Variants in FRMD6 observed in about 807,000 individuals in gnomAD.
The protein encoded by FRMD6 is FERM domain-containing protein 6.
FRMD6 carries 37 observed loss-of-function variants against 73.2 expected under a neutral mutation model. The ratio of observed to expected loss-of-function variants is 0.51; its 90% CI spans 0.39 to 0.66. The LOEUF (loss-of-function observed/expected upper bound fraction) is 0.66. Ranked by LOEUF, FRMD6 falls within the 30% of genes least tolerant of loss-of-function variation. FRMD6 has a pLI of 0.00. For missense variants in FRMD6, 714 were observed against 780.5 expected, an observed-to-expected ratio of 0.91 and a Z score of 1.02; for synonymous variants, 273 against 282.2, an observed-to-expected ratio of 0.97 and a Z score of 0.33.
chr14:51,677,172 T>C (rs1340206528), intron 1 of FRMD6, among the ~76,000 whole-genome samples: 29 of 152,094 alleles, frequency 1.9e-4, no homozygotes. Context: ...TCCTTGTTGT[T>C]AGGAGCCATG....
intron 1 of FRMD6, among the ~76,000 whole-genome samples, chr14:51,507,520 A>G (rs937675047): frequency 2.0e-4 from 30 of 152,170 alleles, no homozygotes; most frequent in African/African-American, 6.3e-4. Flanking sequence ...GACCTTTTCA[A>G]AATTCTACTA....
At chr14:51,450,677 C>T in the FRMD6 span, among the ~76,000 whole-genome samples, 1 of 152,064 alleles carries the variant, frequency 6.6e-6, no homozygotes, top group Non-Finnish European at 1.5e-5. Flanking sequence ...TGTATGAGAT[C>T]TCATGATTTT....
chr14:51,426,365 T>C, the FRMD6 span, among the ~76,000 whole-genome samples: 1 of 152,030 alleles, frequency 6.6e-6, no homozygotes, highest in Non-Finnish European at 1.5e-5. Context: ...GTCCTTCCCA[T>C]CCACCTGCAA....
chr14:51,719,953 T>A, intron 10 of FRMD6, 102 bp from the exon 11 acceptor site: 10 of 835,654 alleles, frequency 1.2e-5, no homozygotes, highest in Non-Finnish European at 1.9e-5. Flanking sequence ...AATCACTAGA[T>A]TCTGAATTTG....
intron 2 of FRMD6, among the ~76,000 whole-genome samples, chr14:51,583,882 A>C (rs1888875090): frequency 6.6e-6 from 1 of 152,198 alleles, no homozygotes; most frequent in Non-Finnish European, 1.5e-5. Context: ...AAGCAAGAAT[A>C]GCAGAAAGAG....
At chr14:51,631,901 AG>A (rs567797524) in intron 2 of FRMD6, among the ~76,000 whole-genome samples, 18 of 152,364 alleles carry the variant, frequency 1.2e-4, no homozygotes, top group Non-Finnish European at 2.6e-4. Context: ...TAAGAAAAGC[AG>A]TAATAACATT....
chr14:51,586,679 G>T (rs2139696776), intron 2 of FRMD6, among the ~76,000 whole-genome samples: 1 of 152,040 alleles, frequency 6.6e-6, no homozygotes, highest in East Asian at 1.9e-4. Flanking sequence ...TATTTCCTGG[G>T]TTTTCTTCTA....
intron 7 of FRMD6, among the ~76,000 whole-genome samples, chr14:51,711,320 G>C (rs10129519): frequency 0.3 from 45,101 of 151,934 alleles, 7,275 homozygotes; most frequent in African/African-American, 0.42. Context: ...TTAAAAAGTA[G>C]AATATACCAT....
chr14:51,636,499 G>A (rs548851786), intron 2 of FRMD6, among the ~76,000 whole-genome samples: 1 of 152,182 alleles, frequency 6.6e-6, no homozygotes, highest in South Asian at 2.1e-4. Context: ...GAGGAAAGGA[G>A]CCCTGTGAAA....
intron 2 of FRMD6, chr14:51,637,716 C>T (rs1891636172): frequency 6.6e-6 from 1 of 152,102 alleles, no homozygotes; most frequent in Non-Finnish European, 1.5e-5. Context: ...CTATAAGTCA[C>T]AAGAAGGATT....
intron 6 of FRMD6, 129 bp from the exon 7 acceptor site, chr14:51,707,949 T>C (rs776582704): frequency 7.8e-6 from 6 of 768,448 alleles, no homozygotes; most frequent in Non-Finnish European, 1.1e-5. Flanking sequence ...ACAGAATGAA[T>C]TTTCAATGCA....
rs1238789046 is a variant in FRMD6 at position 51,730,133 on chromosome 14, A to T, written c.*2104A>T. 6.6e-6 allele frequency: 1 copy of T among 152,140 alleles called. No individual in the cohort carries two copies. Among genetic ancestry groups the T allele is most frequent in the East Asian group, 1.9e-4 (1 of 5,200 alleles). 9.4% of individuals were successfully genotyped at this position (152,140 alleles called of 1,614,324 possible). A position where few individuals can be genotyped will look rare whatever the true frequency, so the allele number is the denominator to read the frequency against. On this transcript the variant is annotated 3_prime_UTR_variant, in exon 14 of 14. Transcript: ENST00000344768. ...TTCTTGCAAACATTTAAAAAAAGAC[A>T]TATTTAAGAAAGAAAGATAAAGAAA...
At chr14:51,544,097 GC>G (rs2139389041) in intron 1 of FRMD6, among the ~76,000 whole-genome samples, 1 of 151,982 alleles carries the variant, frequency 6.6e-6, no homozygotes, top group Admixed American at 6.6e-5. Flanking sequence ...GTCCCCCATA[GC>G]CCCCTTCCCA....
At chr14:51,466,690 T>C in the FRMD6 span, among the ~76,000 whole-genome samples, 1 of 152,242 alleles carries the variant, frequency 6.6e-6, no homozygotes, top group Admixed American at 6.5e-5. Flanking sequence ...TACTCCAACT[T>C]TGTCCTCTTC....
chr14:51,688,967 T>G (rs536366431), intron 1 of FRMD6, among the ~76,000 whole-genome samples: 1 of 152,298 alleles, frequency 6.6e-6, no homozygotes, highest in South Asian at 2.1e-4. Context: ...ATGAGAGGCA[T>G]CCAAAATCCA....
chr14:51,642,979 A>G (rs1215568215), intron 2 of FRMD6, among the ~76,000 whole-genome samples: 1 of 152,158 alleles, frequency 6.6e-6, no homozygotes, highest in Non-Finnish European at 1.5e-5. Flanking sequence ...AAAGATACGG[A>G]AAAATCTGTA....
intron 2 of FRMD6, among the ~76,000 whole-genome samples, chr14:51,599,240 A>G (rs892555803): frequency 2.0e-5 from 3 of 151,964 alleles, no homozygotes; most frequent in Non-Finnish European, 4.4e-5. Flanking sequence ...AAGCAATGGG[A>G]AAAGGACTTC....
the FRMD6 span, among the ~76,000 whole-genome samples, chr14:51,435,011 T>G: frequency 1.3e-5 from 2 of 152,186 alleles, no homozygotes; most frequent in African/African-American, 2.4e-5. Flanking sequence ...TAAGGTGCTG[T>G]CTGTCACAAA....
intron 1 of FRMD6, among the ~76,000 whole-genome samples, chr14:51,524,544 G>A (rs907133991): frequency 6.6e-6 from 1 of 151,062 alleles, no homozygotes; most frequent in Non-Finnish European, 1.5e-5. Context: ...GACGGGGGGG[G>A]TCTCTTTGTT....
Sources: gnomAD v4.1 joint callset for allele counts (sites outside exome capture counted in the v4.1 genomes callset) on GRCh38, gnomAD v4.1.1 for gene constraint, MANE v1.5 for transcripts, NCBI Gene and HGNC (gene_info 2026-07-23, HGNC 2026-07-21) for gene names.